LEPROTL1: variants seen among roughly 807,000 people sequenced by gnomAD.
The protein encoded by LEPROTL1 is leptin receptor overlapping transcript like 1.
Under a neutral mutation model 15.4 loss-of-function variants are expected in LEPROTL1, and 6 were observed. That is an observed-to-expected ratio of 0.39 (90% CI 0.21 to 0.77). The LOEUF (loss-of-function observed/expected upper bound fraction) is 0.77. Ranked by LOEUF, LEPROTL1 falls within the 30% of genes least tolerant of loss-of-function variation. The probability of loss-of-function intolerance (pLI) is 0.41; values close to 1 mark genes in which losing one functional copy is unlikely to be tolerated. For synonymous variants in LEPROTL1, 56 were observed against 52.6 expected (o/e 1.06, Z -0.28); for missense variants, 128 against 158.1 (o/e 0.81, Z 1.02).
intron 4 of LEPROTL1, among the ~76,000 whole-genome samples, chr8:30,134,884 G>T (rs576693340): frequency 6.8e-6 from 1 of 146,908 alleles, no homozygotes; most frequent in East Asian, 2.1e-4. Flanking sequence ...CTTTTCTCTT[G>T]TTTTGTTTTT....
chr8:30,123,963 C>T (rs1312918456), intron 3 of LEPROTL1, among the ~76,000 whole-genome samples: 1 of 149,556 alleles, frequency 6.7e-6, no homozygotes, highest in Non-Finnish European at 1.5e-5. Flanking sequence ...ATTTCAAAGG[C>T]TCAAAGGGAG....
At chr8:30,122,137 A>C (rs1802838356) in intron 3 of LEPROTL1, among the ~76,000 whole-genome samples, 1 of 152,008 alleles carries the variant, frequency 6.6e-6, no homozygotes, top group Non-Finnish European at 1.5e-5. Context: ...ACTGCACTCC[A>C]GCCTGGGCAA....
intron 3 of LEPROTL1, among the ~76,000 whole-genome samples, chr8:30,122,686 T>C (rs894226349): frequency 6.6e-6 from 1 of 152,018 alleles, no homozygotes; most frequent in Non-Finnish European, 1.5e-5. Flanking sequence ...TCCCAGCTAC[T>C]CGGGAGACTG....
chr8:30,134,657 C>A (rs1803100694), intron 4 of LEPROTL1, among the ~76,000 whole-genome samples: 2 of 150,476 alleles, frequency 1.3e-5, no homozygotes, highest in South Asian at 4.2e-4. Context: ...AAGCGATTCT[C>A]CTGCTTCAGC....
At chr8:30,111,241 G>A (rs1202762616), downstream of LEPROTL1, among the ~76,000 whole-genome samples, 1 of 152,170 alleles carries the variant, frequency 6.6e-6, no homozygotes, top group Non-Finnish European at 1.5e-5. Context: ...AGACAAAGGT[G>A]TTAGTCCCTA....
At chr8:30,105,025 A>C (rs1029679479) in intron 3 of LEPROTL1, 1 of 152,416 alleles carries the variant, frequency 6.6e-6, no homozygotes, top group Non-Finnish European at 1.5e-5. Context: ...GCTTGCTAAT[A>C]CTTAACTGTC....
chr8:30,106,821 G>A lies in LEPROTL1; in HGVS notation c.*959G>A. ...CATATATGCCAGAAAACCTTCCTCTGCTTCCTCCTTTTGACTTATTTGGTA... is the reference window on the plus strand; with the variant it reads ...CATATATGCCAGAAAACCTTCCTCTACTTCCTCCTTTTGACTTATTTGGTA... On this transcript the variant is annotated 3_prime_UTR_variant, in exon 4 of 4. Transcript: ENST00000321250. The A allele has an allele frequency of 2.0e-6, 2 of 984,890 alleles. No homozygotes were observed. The highest frequency in any genetic ancestry group is 2.4e-6 in the Non-Finnish European group (2 of 829,108). The allele number at this position is 984,890 out of a possible 1,614,324, so 61.0% of individuals were successfully genotyped here.
intron 1 of LEPROTL1, among the ~76,000 whole-genome samples, chr8:30,100,535 C>T (rs866211919): frequency 3.4e-4 from 52 of 152,286 alleles, no homozygotes; most frequent in African/African-American, 1.1e-3. Context: ...CTGCAACCTA[C>T]GCCTCCCGGG....
At chr8:30,113,627 A>C (rs778556923) in intron 3 of LEPROTL1, among the ~76,000 whole-genome samples, 94 of 152,172 alleles carry the variant, frequency 6.2e-4, no homozygotes, top group Non-Finnish European at 1.0e-3. Context: ...CTCACCCTCC[A>C]TTATGGGCCG....
chr8:30,114,951 T>C (rs981148878), intron 3 of LEPROTL1, among the ~76,000 whole-genome samples: 21 of 152,218 alleles, frequency 1.4e-4, no homozygotes, highest in African/African-American at 4.6e-4. Context: ...ACACCTGATC[T>C]CAAGACATGG....
Position 30,106,930 on chromosome 8 carries a change from A to T in LEPROTL1, c.*1068A>T. 4 of 985,578 alleles carry T rather than the reference A, an allele frequency of 4.1e-6. No homozygotes were observed. Among genetic ancestry groups the T allele is most frequent in the Non-Finnish European group, 4.8e-6 (4 of 829,668 alleles). The allele number at this position is 985,578 out of a possible 1,614,324, so 61.1% of individuals were successfully genotyped here. A position where few individuals can be genotyped will look rare whatever the true frequency, so the allele number is the denominator to read the frequency against. On this transcript the variant is annotated 3_prime_UTR_variant, in exon 4 of 4. Transcript: ENST00000321250. ...TTTACTTACCTGGAAAATAATTGCT[A>T]TGCCGTACATTCAGAGTGCCCCCTC...
Position 30,108,018 on chromosome 8 carries a change from A to G in LEPROTL1, c.*2156A>G, listed in dbSNP as rs190123264. The G allele has an allele frequency of 1.5e-5, 14 of 947,362 alleles. No individual in the cohort carries two copies. The East Asian group carries it at 1.2e-3, about 78-fold the overall frequency. The allele number at this position is 947,362 out of a possible 1,614,324, so 58.7% of individuals were successfully genotyped here. A position where few individuals can be genotyped will look rare whatever the true frequency, so the allele number is the denominator to read the frequency against. ...ACTGATACAATATTACCATTCTTCTATGGAAAGAAAACTTTTGATGATGAA... is the reference window on the plus strand; with the variant it reads ...ACTGATACAATATTACCATTCTTCTGTGGAAAGAAAACTTTTGATGATGAA... On this transcript the variant is annotated 3_prime_UTR_variant, in exon 4 of 4. Transcript: ENST00000321250.
chr8:30,117,811 A>G, intron 3 of LEPROTL1: 1 of 689,898 alleles, frequency 1.4e-6, no homozygotes. Flanking sequence ...CAGGAGGAGC[A>G]GTGAGACCCT....
Position 30,097,696 on chromosome 8 carries a change from T to TACACAC in LEPROTL1, c.16+2169_16+2170insCACACA, listed in dbSNP as rs1470929284. 8.2e-4 allele frequency among the ~76,000 whole-genome samples: 89 copies of TACACAC among 108,960 alleles called. 1 individual carries two copies. The highest frequency in any genetic ancestry group is 2.7e-3 in the African/African-American group (78 of 29,400). 71.5% of individuals were successfully genotyped at this position (108,960 alleles called of 152,430 possible). A position where few individuals can be genotyped will look rare whatever the true frequency, so the allele number is the denominator to read the frequency against. On this transcript the variant is annotated intron_variant, in intron 1 of 3. Transcript: ENST00000321250. Reference sequence around the variant, plus strand: ...CAAAAAAAAAAAAAATATATATATATATACACACACACACACACACACACA... The same window carrying TACACAC: ...CAAAAAAAAAAAAAATATATATATATACACACATACACACACACACACACACACACA...
At position 30,120,318 on chromosome 8, in the gene LEPROTL1, C is replaced by G. The variant is rs573506784; in HGVS notation, c.280-12057C>G. Among the ~76,000 whole-genome samples the G allele has an allele frequency of 8.5e-5, 13 of 152,064 alleles. No individual in the cohort carries two copies. The South Asian group carries it at 2.7e-3, about 32-fold the overall frequency. Reference sequence around the variant, plus strand: ...AAGAACAGCATGGATCCAGATCTCCCCCAGCCATTTGGGGAGAAATAGAAG... The same window carrying G: ...AAGAACAGCATGGATCCAGATCTCCGCCAGCCATTTGGGGAGAAATAGAAG... On this transcript the variant is annotated intron_variant, in intron 3 of 4. Coordinates refer to the LEPROTL1 transcript ENST00000442880.
intron 3 of LEPROTL1, among the ~76,000 whole-genome samples, chr8:30,130,925 G>A (rs1296606072): frequency 3.3e-5 from 5 of 151,430 alleles, no homozygotes; most frequent in Non-Finnish European, 7.4e-5. Flanking sequence ...GACTATAGGC[G>A]CCCACCACCA....
At chr8:30,132,093 G>A (rs1400941124) in intron 3 of LEPROTL1, 15 of 1,551,722 alleles carry the variant, frequency 9.7e-6, no homozygotes, top group Non-Finnish European at 1.3e-5. Context: ...TGATCAACTG[G>A]GTGTGGGCCC....
intron 1 of LEPROTL1, chr8:30,095,973 A>G (rs1802357235): frequency 1.5e-6 from 1 of 677,300 alleles, no homozygotes; most frequent in Non-Finnish European, 2.7e-6. Context: ...GAAAGGCACA[A>G]GTGCGGTCTG....
chr8:30,106,255 A>C lies in LEPROTL1; in HGVS notation c.*393A>C. 3.0e-6 allele frequency: 3 copies of C among 986,366 alleles called. No individual in the cohort carries two copies. The highest frequency in any genetic ancestry group is 3.6e-6 in the Non-Finnish European group (3 of 830,192). 61.1% of individuals were successfully genotyped at this position (986,366 alleles called of 1,614,324 possible). ...GCCGGCTCTATTACTGGTCAAGTAC[A>C]TCTTTTCTCTTAAAATTATTTAGCC... On this transcript the variant is annotated 3_prime_UTR_variant, in exon 4 of 4. Transcript: ENST00000321250.
Sources: allele counts gnomAD v4.1 joint callset (sites outside exome capture counted in the v4.1 genomes callset), GRCh38; gene constraint gnomAD v4.1.1; transcripts MANE v1.5; gene names NCBI Gene and HGNC (gene_info 2026-07-23, HGNC 2026-07-21).